The following ZDHHC14 variants were observed in gnomAD, a reference collection of about 807,000 sequenced individuals.
ZDHHC14 encodes zDHHC palmitoyltransferase 14.
In ZDHHC14, 16 loss-of-function variants were observed where a neutral mutation model predicts 47.7. That is an observed-to-expected ratio of 0.34 (90% confidence interval 0.23 to 0.51). ZDHHC14 has a LOEUF of 0.51. Among genes scored for constraint, ZDHHC14 ranks in the 20% least tolerant of loss-of-function variants. ZDHHC14 has a pLI of 0.97. For synonymous variants in ZDHHC14, 293 were observed against 278.9 expected, an observed-to-expected ratio of 1.05 and a Z score of -0.50; for missense variants, 515 against 662.5, an observed-to-expected ratio of 0.78 and a Z score of 2.44.
intron 1 of ZDHHC14, among the ~76,000 whole-genome samples, chr6:157,466,946 A>G (rs2114821030): frequency 6.6e-6 from 1 of 152,172 alleles, no homozygotes; most frequent in East Asian, 1.9e-4. Context: ...ACTGCGCAGT[A>G]GCTGCCCTCA....
chr6:157,487,482 A>G (rs1779809710), intron 1 of ZDHHC14, among the ~76,000 whole-genome samples: 2 of 152,262 alleles, frequency 1.3e-5, no homozygotes. Context: ...CTAAACCTTC[A>G]CTACATGCCC....
intron 1 of ZDHHC14, among the ~76,000 whole-genome samples, chr6:157,537,818 G>A (rs1233584690): frequency 6.6e-6 from 1 of 152,140 alleles, no homozygotes; most frequent in Non-Finnish European, 1.5e-5. Flanking sequence ...TCTGAGCTCG[G>A]ACTAAGAATT....
intron 2 of ZDHHC14, among the ~76,000 whole-genome samples, chr6:157,571,355 T>G (rs1358929711): frequency 2.6e-5 from 4 of 152,228 alleles, no homozygotes. Flanking sequence ...GGGACAGACA[T>G]GTTGGGTGTC....
intron 2 of ZDHHC14, among the ~76,000 whole-genome samples, chr6:157,561,528 G>A (rs1018328828): frequency 1.3e-5 from 2 of 152,156 alleles, no homozygotes; most frequent in South Asian, 2.1e-4. Flanking sequence ...CTGCTGTCCC[G>A]GCGCTCAGAT....
chr6:157,536,801 A>G lies in ZDHHC14; in HGVS notation c.246-5784A>G, dbSNP rs142012015. The stretch of plus-strand genomic sequence containing the variant: ...TATCTGTCTGCCTGTCTGTCTGTCT[A>G]TCTATCCCTCCATCTATCTTTTTTT... On this transcript the variant is annotated intron_variant, in intron 1 of 8. Coordinates refer to ENST00000359775, the MANE Select transcript of ZDHHC14 (RefSeq NM_024630.3). Among the ~76,000 whole-genome samples, 148 of 148,796 alleles carry G rather than the reference A, an allele frequency of 9.9e-4. 6 individuals carry two copies. In the East Asian group the frequency reaches 0.018, roughly 18 times the overall value.
intron 4 of ZDHHC14, among the ~76,000 whole-genome samples, chr6:157,628,934 A>ACAGTCAC (rs1031273600): frequency 5.3e-5 from 8 of 152,212 alleles, no homozygotes; most frequent in African/African-American, 1.9e-4. Context: ...TTATGTAAGA[A>ACAGTCAC]CAGTCACCAG....
At chr6:157,605,246 G>A (rs1784494054) in intron 3 of ZDHHC14, among the ~76,000 whole-genome samples, 2 of 152,286 alleles carry the variant, frequency 1.3e-5, no homozygotes, top group South Asian at 4.1e-4. Context: ...AAAAAAGGTT[G>A]AAAAGTATTT....
At chr6:157,530,189 AAAT>A (rs899197851) in intron 1 of ZDHHC14, among the ~76,000 whole-genome samples, 1 of 152,238 alleles carries the variant, frequency 6.6e-6, no homozygotes, top group African/African-American at 2.4e-5. Context: ...AGAAAAAAGA[AAAT>A]GATGTGGGAC....
intron 7 of ZDHHC14, among the ~76,000 whole-genome samples, chr6:157,650,411 G>A (rs1777770974): frequency 6.6e-6 from 1 of 152,076 alleles, no homozygotes. Flanking sequence ...AAGACAAGGG[G>A]CGAGTCCAGG....
At chr6:157,386,987 A>G (rs1185129044) in intron 1 of ZDHHC14, among the ~76,000 whole-genome samples, 3 of 152,184 alleles carry the variant, frequency 2.0e-5, no homozygotes, top group Admixed American at 6.5e-5. Flanking sequence ...TTGTGTTTTC[A>G]GCAGCATCAT....
At chr6:157,640,109 C>T (rs2114972013) in intron 5 of ZDHHC14, among the ~76,000 whole-genome samples, 1 of 152,308 alleles carries the variant, frequency 6.6e-6, no homozygotes, top group South Asian at 2.1e-4. Context: ...TGCTGGGGAG[C>T]CACAGGGGCC....
At chr6:157,560,945 G>C (rs761650038) in intron 2 of ZDHHC14, among the ~76,000 whole-genome samples, 8 of 152,164 alleles carry the variant, frequency 5.3e-5, no homozygotes, top group Non-Finnish European at 8.8e-5. Context: ...GAACCCACTA[G>C]AACATGAGAA....
At chr6:157,656,720 A>AC (rs1491445759) in intron 8 of ZDHHC14, among the ~76,000 whole-genome samples, 10,267 of 103,236 alleles carry the variant, frequency 0.099, 422 homozygotes, top group Non-Finnish European at 0.14. Flanking sequence ...AAAAAAAAAC[A>AC]AAAAAAAAAA....
chr6:157,573,143 CTCGCCATCCCCCTTTCTT>C (rs1187995822), intron 2 of ZDHHC14, among the ~76,000 whole-genome samples: 1 of 145,532 alleles, frequency 6.9e-6, no homozygotes, highest in African/African-American at 2.4e-5. Flanking sequence ...ATTGTCTGCA[CTCGCCATCCCCCTTTCTT>C]TCGGCCCCAC....
At chr6:157,624,904 G>A (rs1291957129) in intron 3 of ZDHHC14, among the ~76,000 whole-genome samples, 2 of 152,228 alleles carry the variant, frequency 1.3e-5, no homozygotes, top group African/African-American at 2.4e-5. Context: ...AGTCCTTACA[G>A]TTCTGGAGGC....
intron 2 of ZDHHC14, among the ~76,000 whole-genome samples, chr6:157,584,644 G>A (rs1783623788): frequency 6.6e-6 from 1 of 152,168 alleles, no homozygotes; most frequent in Admixed American, 6.5e-5. Context: ...AAGGCCTCCA[G>A]CAAGTCCAGG....
intron 1 of ZDHHC14, among the ~76,000 whole-genome samples, chr6:157,513,369 T>A (rs1402256950): frequency 6.6e-6 from 1 of 152,236 alleles, no homozygotes; most frequent in Non-Finnish European, 1.5e-5. Flanking sequence ...CGTCCACACC[T>A]GTCAGGACAG....
chr6:157,539,410 G>A (rs1781664415), intron 1 of ZDHHC14, among the ~76,000 whole-genome samples: 1 of 151,916 alleles, frequency 6.6e-6, no homozygotes, highest in African/African-American at 2.4e-5. Context: ...TCTCCAGAAA[G>A]ATAATAAATA....
chr6:157,561,528 GGC>G (rs1782707316), intron 2 of ZDHHC14, among the ~76,000 whole-genome samples: 1 of 152,156 alleles, frequency 6.6e-6, no homozygotes, highest in Non-Finnish European at 1.5e-5. Context: ...CTGCTGTCCC[GGC>G]GCTCAGATAC....
Sources: gnomAD v4.1 joint callset for allele counts (sites outside exome capture counted in the v4.1 genomes callset) on GRCh38, gnomAD v4.1.1 for gene constraint, MANE v1.5 for transcripts, NCBI Gene and HGNC (gene_info 2026-07-23, HGNC 2026-07-21) for gene names.